PISD: variants seen among roughly 807,000 people sequenced by gnomAD.
The protein encoded by PISD is phosphatidylserine decarboxylase proenzyme, mitochondrial.
Under a neutral mutation model 43.5 loss-of-function variants are expected in PISD, and 31 were observed. That is an observed-to-expected ratio of 0.71 (90% CI 0.54 to 0.96). PISD has a LOEUF of 0.96. PISD is among the 40% of genes least tolerant of loss of function. The pLI is 0.00. For synonymous variants in PISD, 259 were observed against 228.7 expected (o/e 1.13, Z -1.20); for missense variants, 523 against 548.4 (o/e 0.95, Z 0.46).
At position 31,630,748 on chromosome 22, in the gene PISD, C is replaced by T; in HGVS notation, c.322-8863G>A. On this transcript the variant is annotated intron_variant, in intron 3 of 7. Coordinates refer to ENST00000439502, the MANE Select transcript of PISD (RefSeq NM_001326411.2). This position sits in a 1 kb window ranked among gnomAD's most constrained non-coding sequence, Gnocchi z 4.4. ...TGAGCGGGCAGGGTGGGGCGCCTCC[C>T]TGAGAAGTCACCTGGGGCTCCCGGC... is the stretch of plus-strand genomic sequence containing the variant. The T allele has an allele frequency of 3.0e-6, 3 of 985,606 alleles. No homozygotes were observed. Among genetic ancestry groups the T allele is most frequent in the Non-Finnish European group, 1.2e-6 (1 of 830,054 alleles). 61.1% of individuals were successfully genotyped at this position (985,606 alleles called of 1,614,324 possible).
At chr22:31,633,481 C>T (rs867127247) in intron 3 of PISD, among the ~76,000 whole-genome samples, 5 of 152,126 alleles carry the variant, frequency 3.3e-5, no homozygotes, top group Non-Finnish European at 5.9e-5. Context: ...TTTGGGAGGC[C>T]GAGGCAGGCG....
At chr22:31,628,050 C>T (rs2073004245) in intron 3 of PISD, 1 of 985,398 alleles carries the variant, frequency 1.0e-6, no homozygotes, top group African/African-American at 1.7e-5. Context: ...CATTTAGATC[C>T]TTGTCTTTAT....
At chr22:31,635,168 AAAAAC>A (rs75918790) in intron 3 of PISD, among the ~76,000 whole-genome samples, 14 of 151,872 alleles carry the variant, frequency 9.2e-5, no homozygotes, top group South Asian at 4.1e-4. Flanking sequence ...CTCCGTCTCA[AAAAAC>A]AAAACAAAAC....
chr22:31,624,173 A>C lies in PISD; in HGVS notation c.322-2288T>G, dbSNP rs936164653. ...CAGCTGCGGGGCACCTCTCAGCTGC[A>C]GCAGCTCCCAGCAAGGGCCTCCAGG... On this transcript the variant is annotated intron_variant, in intron 3 of 7. Transcript: ENST00000439502. Among the ~76,000 whole-genome samples the C allele has an allele frequency of 6.6e-5, 10 of 152,276 alleles. No homozygotes were observed. The East Asian group carries it at 1.5e-3, about 24-fold the overall frequency.
chr22:31,621,057 C>A lies in PISD; in HGVS notation c.783G>T (p.Gly261=). 6.2e-7 allele frequency: 1 copy of A among 1,613,990 alleles called. No homozygotes were observed. The highest frequency in any genetic ancestry group is 8.5e-7 in the Non-Finnish European group (1 of 1,179,932). The stretch of plus-strand genomic sequence containing the variant: ...TGGGGGAGTGGAAGCAGTGGTAGTC[C>A]CCAGGGGCCAGGTAGATGACACAGT... ...LYHCVIYLAP[G]DYHCFHSPTD... is the part of the protein sequence containing the mutation. The change falls in exon 6 of 8, where the codon GGG becomes GGT. Residue 261 remains glycine (G), a synonymous_variant. Transcript: ENST00000439502.
chr22:31,637,789 T>TC (rs2073556781), intron 3 of PISD, among the ~76,000 whole-genome samples: 1 of 152,162 alleles, frequency 6.6e-6, no homozygotes, highest in Non-Finnish European at 1.5e-5. Flanking sequence ...AGTGTCCCGC[T>TC]CCCCTCACCC....
chr22:31,638,359 A>C (rs2073579018), intron 3 of PISD: 1 of 985,484 alleles, frequency 1.0e-6, no homozygotes. Flanking sequence ...CCCCATGGGA[A>C]ACTCACCTCC....
Position 31,624,434 on chromosome 22 carries a change from C to A in PISD, c.322-2549G>T, listed in dbSNP as rs760997289. Among the ~76,000 whole-genome samples, 4 of 152,170 alleles carry A rather than the reference C, an allele frequency of 2.6e-5. No homozygotes were observed. The East Asian group carries it at 5.8e-4, about 22-fold the overall frequency. ...ATCCTTTTCATGGTTCCAGGCCCCC[C>A]CTTTCCTCATCTGCTAAATTACGGG... On this transcript the variant is annotated intron_variant, in intron 3 of 7. Transcript: ENST00000439502.
chr22:31,644,895 C>T (rs1430444483), intron 3 of PISD, among the ~76,000 whole-genome samples: 3 of 152,002 alleles, frequency 2.0e-5, no homozygotes, highest in African/African-American at 2.4e-5. Flanking sequence ...GAGGCCGAGG[C>T]GGGTGGATCA....
At chr22:31,649,963 T>C (rs1292862773) in intron 2 of PISD, among the ~76,000 whole-genome samples, 1 of 152,056 alleles carries the variant, frequency 6.6e-6, no homozygotes, top group African/African-American at 2.4e-5. Context: ...ATGGAACAGA[T>C]TCTCCCTCAC....
At chr22:31,628,375 T>C (rs2073019773) in intron 3 of PISD, among the ~76,000 whole-genome samples, 1 of 152,250 alleles carries the variant, frequency 6.6e-6, no homozygotes, top group South Asian at 2.1e-4. Context: ...TCATCCTCTC[T>C]GGCTGTCTTG....
chr22:31,627,982 G>C (rs1001334174), intron 3 of PISD: 1 of 972,984 alleles, frequency 1.0e-6, no homozygotes, highest in Non-Finnish European at 1.2e-6. Flanking sequence ...CATCCTGAGA[G>C]GCCAGGCTGG....
At chr22:31,637,968 G>T (rs187518168) in intron 3 of PISD, among the ~76,000 whole-genome samples, 1 of 152,212 alleles carries the variant, frequency 6.6e-6, no homozygotes, top group Non-Finnish European at 1.5e-5. Flanking sequence ...AATAAGGCTC[G>T]GCCCCAGACA....
chr22:31,623,714 G>C (rs781057071), intron 3 of PISD: 1 of 1,614,106 alleles, frequency 6.2e-7, no homozygotes, highest in Admixed American at 1.7e-5. Context: ...CCACCCGGCT[G>C]AGCGGTCTGA....
At chr22:31,633,688 C>T (rs549738396) in intron 3 of PISD, among the ~76,000 whole-genome samples, 1 of 152,250 alleles carries the variant, frequency 6.6e-6, no homozygotes, top group East Asian at 1.9e-4. Context: ...GCACTCCAGC[C>T]TGGGCGACAG....
intron 3 of PISD, chr22:31,626,205 G>A: frequency 9.4e-6 from 3 of 317,492 alleles, no homozygotes; most frequent in South Asian, 1.3e-4. Context: ...TGGGGAGGCA[G>A]TAGGGGGCAA....
chr22:31,638,821 CTT>C (rs531586361), intron 3 of PISD: 22 of 123,318 alleles, frequency 1.8e-4, no homozygotes, highest in Non-Finnish European at 2.0e-4. Context: ...TTTTTTCTTT[CTT>C]TTTTTTTTTT....
At chr22:31,648,666 C>CAA (rs60346600) in intron 2 of PISD, among the ~76,000 whole-genome samples, 2 of 84,708 alleles carry the variant, frequency 2.4e-5, no homozygotes, top group East Asian at 6.7e-4. Context: ...GACTCCATTT[C>CAA]AAAAAAAAAA....
intron 1 of PISD, among the ~76,000 whole-genome samples, chr22:31,654,650 G>A (rs188283190): frequency 1.3e-5 from 2 of 152,318 alleles, no homozygotes; most frequent in East Asian, 3.9e-4. Context: ...TGTGCAGCAA[G>A]GTGTGGCCAT....
Sources: gnomAD v4.1 joint callset for allele counts (sites outside exome capture counted in the v4.1 genomes callset) on GRCh38, gnomAD v4.1.1 for gene constraint, Gnocchi (gnomAD v3.1) non-coding constraint, MANE v1.5 for transcripts, NCBI Gene and HGNC (gene_info 2026-07-23, HGNC 2026-07-21) for gene names.